ETF1: variants seen among roughly 807,000 people sequenced by gnomAD.
ETF1 encodes the protein eukaryotic peptide chain release factor subunit 1.
Under a neutral mutation model 55.1 loss-of-function variants are expected in ETF1, and 4 were observed. The ratio of observed to expected loss-of-function variants is 0.07; its 90% CI spans 0.04 to 0.17. ETF1 has a LOEUF of 0.17. ETF1 is among the 10% of genes least tolerant of loss of function. ETF1 has a pLI of 1.00. For missense variants in ETF1, 142 were observed against 523.6 expected (o/e 0.27, Z 7.11); for synonymous variants, 157 against 182.3 (o/e 0.86, Z 1.12).
chr5:138,520,532 T>C (rs193181059), intron 2 of ETF1, among the ~76,000 whole-genome samples: 38 of 152,320 alleles, frequency 2.5e-4, no homozygotes, highest in African/African-American at 8.9e-4. Context: ...CCTACTTCTA[T>C]GCAAAGCAAA....
At chr5:138,541,367 C>T (rs945800342) in intron 2 of ETF1, among the ~76,000 whole-genome samples, 2 of 152,122 alleles carry the variant, frequency 1.3e-5, no homozygotes, top group African/African-American at 2.4e-5. Flanking sequence ...ACTAACAAGC[C>T]GCTGTCTTCG....
chr5:138,511,441 T>C (rs1344447678), intron 7 of ETF1, 34 bp downstream of exon 7: 2 of 1,606,384 alleles, frequency 1.2e-6, no homozygotes, highest in African/African-American at 1.4e-5. Context: ...CACGAAAACA[T>C]TTCACAGAAT....
intron 2 of ETF1, among the ~76,000 whole-genome samples, chr5:138,522,035 C>G (rs1765253062): frequency 1.3e-5 from 2 of 152,120 alleles, no homozygotes; most frequent in South Asian, 2.1e-4. Flanking sequence ...ATTAGATGAT[C>G]TACATCAAGT....
intron 3 of ETF1, among the ~76,000 whole-genome samples, chr5:138,518,161 C>A (rs868817575): frequency 9.2e-5 from 13 of 141,076 alleles, no homozygotes; most frequent in Admixed American, 3.8e-4. Context: ...CGGATTACTG[C>A]ACTTCAGTCT....
At chr5:138,511,301 C>A in intron 7 of ETF1, 101 bp from the exon 8 acceptor site, 1 of 1,537,908 alleles carries the variant, frequency 6.5e-7, no homozygotes, top group Non-Finnish European at 8.7e-7. Flanking sequence ...AAAAATAATG[C>A]TTTTACTGAG....
At chr5:138,515,734 C>T (rs1442139066) in intron 4 of ETF1, among the ~76,000 whole-genome samples, 1 of 152,188 alleles carries the variant, frequency 6.6e-6, no homozygotes, top group East Asian at 1.9e-4. Flanking sequence ...GTACCTGGCA[C>T]TGTTTAAATC....
In ETF1 at chr5:138,542,853, C is replaced by T. The variant is rs1340117798; in HGVS notation, c.66G>A (p.Lys22=). ...VEIWKIKKLI[K]SLEAARGNGT... is the part of the protein sequence containing the mutation. Reference sequence around the variant, plus strand: ...CTCACCCGCGGGCCGCCTCCAAGCTCTTAATGAGCTTCTTGATCTTCCAGA... The same window carrying T: ...CTCACCCGCGGGCCGCCTCCAAGCTTTTAATGAGCTTCTTGATCTTCCAGA... Residue 22 remains lysine (K), a synonymous_variant, in exon 2 of 11, where the codon AAG becomes AAA. Coordinates refer to ENST00000360541, the MANE Select transcript of ETF1 (RefSeq NM_004730.4). 5 of 1,613,390 alleles carry T rather than the reference C, an allele frequency of 3.1e-6. No individual in the cohort carries two copies. The highest frequency in any genetic ancestry group is 1.1e-5 in the South Asian group (1 of 91,076).
Position 138,542,850 on chromosome 5 carries a change from G to A in ETF1, c.69C>T (p.Ser23=), listed in dbSNP as rs770586141. Residue 23 remains serine, a synonymous_variant, in exon 2 of 11, where the codon AGC becomes AGT. Coordinates refer to ENST00000360541, the MANE Select transcript of ETF1 (RefSeq NM_004730.4). ...GCGCTCACCCGCGGGCCGCCTCCAA[G>A]CTCTTAATGAGCTTCTTGATCTTCC... ...EIWKIKKLIK[S]LEAARGNGTS... 22 of 1,613,204 alleles carry A rather than the reference G, an allele frequency of 1.4e-5. No individual in the cohort carries two copies. The highest frequency in any genetic ancestry group is 1.0e-4 in the Admixed American group (6 of 60,000).
At chr5:138,521,664 T>C (rs752008907) in intron 2 of ETF1, among the ~76,000 whole-genome samples, 3 of 152,122 alleles carry the variant, frequency 2.0e-5, no homozygotes, top group Non-Finnish European at 4.4e-5. Context: ...GTAGCTGGGA[T>C]TACAGGCTTG....
At chr5:138,536,566 G>A (rs1334608040) in intron 2 of ETF1, among the ~76,000 whole-genome samples, 1 of 152,174 alleles carries the variant, frequency 6.6e-6, no homozygotes, top group Non-Finnish European at 1.5e-5. Context: ...GTAGGCTGCT[G>A]AAGAATTAAA....
At chr5:138,509,553 G>C (rs1764680669) in intron 9 of ETF1, among the ~76,000 whole-genome samples, 1 of 152,082 alleles carries the variant, frequency 6.6e-6, no homozygotes, top group Non-Finnish European at 1.5e-5. Context: ...CTTGGGCCCA[G>C]GAGTTCAAGA....
intron 2 of ETF1, among the ~76,000 whole-genome samples, chr5:138,535,869 C>T (rs1442929343): frequency 1.0e-5 from 1 of 97,842 alleles, no homozygotes. Flanking sequence ...AGCGAGACTC[C>T]GCCTCAAAAA....
intron 2 of ETF1, chr5:138,542,576 CG>C: frequency 1.5e-6 from 2 of 1,346,470 alleles, no homozygotes; most frequent in East Asian, 5.8e-5. Flanking sequence ...GCAAAAGTAG[CG>C]GTGGCCTACC....
chr5:138,526,182 C>T (rs956071286), intron 2 of ETF1, among the ~76,000 whole-genome samples: 12 of 152,062 alleles, frequency 7.9e-5, no homozygotes, highest in Non-Finnish European at 1.6e-4. Context: ...TAAAATCTCA[C>T]CTATCCAGAG....
chr5:138,543,123 G>C lies in ETF1; in HGVS notation c.-45C>G. ...TAAGGGCCCAGTCCTGGGCGGCAGC[G>C]GCTGCTCCTCCCCGGCGGCGGCTCC... On this transcript the variant is annotated 5_prime_UTR_variant, in exon 1 of 11. Coordinates refer to ENST00000360541, the MANE Select transcript of ETF1 (RefSeq NM_004730.4). 1 of 592,954 alleles carries C rather than the reference G, an allele frequency of 1.7e-6. No individual in the cohort carries two copies. The highest frequency in any genetic ancestry group is 3.0e-5 in the East Asian group (1 of 33,268). 36.7% of individuals were successfully genotyped at this position (592,954 alleles called of 1,614,324 possible).
chr5:138,512,238 ATATATATATATATATATATATTTTTT>A (rs1764828647), intron 6 of ETF1, among the ~76,000 whole-genome samples: 1 of 5,654 alleles, frequency 1.8e-4, no homozygotes, highest in African/African-American at 3.9e-4. Flanking sequence ...ATATATATAT[ATATATATATATATATATATATTTTTT>A]TTTTTTTTTA....
chr5:138,517,029 G>C (rs1162419464), intron 4 of ETF1, among the ~76,000 whole-genome samples: 1 of 152,196 alleles, frequency 6.6e-6, no homozygotes, highest in East Asian at 1.9e-4. Context: ...AAAGTATAAA[G>C]TAAAAGAAGC....
At chr5:138,512,695 T>C (rs1056181751) in intron 6 of ETF1, 69 bp downstream of exon 6, 3 of 1,369,500 alleles carry the variant, frequency 2.2e-6, no homozygotes, top group Non-Finnish European at 3.0e-6. Flanking sequence ...TCTGTTCCAG[T>C]GCTCACACAG....
chr5:138,523,924 C>A (rs1300893352), intron 2 of ETF1, among the ~76,000 whole-genome samples: 1 of 151,812 alleles, frequency 6.6e-6, no homozygotes, highest in African/African-American at 2.4e-5. Flanking sequence ...CACCTGCAAT[C>A]CCAGCACTCT....
Sources: gnomAD v4.1 joint callset for allele counts (sites outside exome capture counted in the v4.1 genomes callset) on GRCh38, gnomAD v4.1.1 for gene constraint, MANE v1.5 for transcripts, NCBI Gene and HGNC (gene_info 2026-07-23, HGNC 2026-07-21) for gene names.